SLC8A1: variants seen among roughly 807,000 people sequenced by gnomAD.
SLC8A1 encodes the protein solute carrier family 8 member A1.
A neutral mutation model predicts 68.3 loss-of-function variants in SLC8A1; 18 were observed. The ratio of observed to expected loss-of-function variants is 0.26; its 90% CI spans 0.18 to 0.39. SLC8A1 has a LOEUF of 0.39. Ranked by LOEUF, SLC8A1 falls within the 10% of genes least tolerant of loss-of-function variation. The pLI is 1.00. For synonymous variants in SLC8A1, 475 were observed against 415.5 expected (o/e 1.14, Z -1.74); for missense variants, 985 against 1,156.7 (o/e 0.85, Z 2.15).
intron 2 of SLC8A1, among the ~76,000 whole-genome samples, chr2:40,346,644 T>C (rs1669411011): frequency 6.6e-6 from 1 of 152,060 alleles, no homozygotes; most frequent in African/African-American, 2.4e-5. Context: ...GTCCCAAAAA[T>C]GGAATGCAAG....
intron 3 of SLC8A1, among the ~76,000 whole-genome samples, chr2:40,177,048 TC>T (rs1331576499): frequency 1.9e-4 from 11 of 59,100 alleles, no homozygotes; most frequent in Non-Finnish European, 4.7e-4. Context: ...TTTTATTTTT[TC>T]TTTTTTTTAT....
chr2:40,157,210 G>A (rs896592194), intron 6 of SLC8A1, among the ~76,000 whole-genome samples: 5 of 152,024 alleles, frequency 3.3e-5, no homozygotes, highest in African/African-American at 4.8e-5. Flanking sequence ...ACCAACTTTG[G>A]CGTTTCCATG....
intron 2 of SLC8A1, among the ~76,000 whole-genome samples, chr2:40,192,165 C>T (rs1009195652): frequency 2.0e-5 from 3 of 152,186 alleles, no homozygotes; most frequent in African/African-American, 7.2e-5. Context: ...CTAACTTAAT[C>T]GCATTCTTGC....
intron 7 of SLC8A1, among the ~76,000 whole-genome samples, chr2:40,128,529 G>A (rs1329698182): frequency 6.6e-6 from 1 of 152,154 alleles, no homozygotes; most frequent in Non-Finnish European, 1.5e-5. Context: ...TGTGAGAGTT[G>A]CCTCCTTAGC....
At chr2:40,405,486 C>T (rs912036090) in intron 2 of SLC8A1, among the ~76,000 whole-genome samples, 5 of 152,144 alleles carry the variant, frequency 3.3e-5, no homozygotes, top group African/African-American at 7.2e-5. Context: ...AACAGTTGTC[C>T]GCTTTTCCAG....
intron 2 of SLC8A1, among the ~76,000 whole-genome samples, chr2:40,375,811 C>G (rs6732915): frequency 2.0e-5 from 3 of 151,780 alleles, no homozygotes; most frequent in African/African-American, 7.3e-5. Context: ...AAGACCAGCC[C>G]AGGCAACACA....
chr2:40,370,189 C>G (rs1677588448), intron 2 of SLC8A1, among the ~76,000 whole-genome samples: 1 of 152,092 alleles, frequency 6.6e-6, no homozygotes, highest in Non-Finnish European at 1.5e-5. Context: ...GTTGGTGAGT[C>G]ATTCATTGCG....
intron 2 of SLC8A1, among the ~76,000 whole-genome samples, chr2:40,427,845 T>C (rs1697283643): frequency 6.6e-6 from 1 of 152,152 alleles, no homozygotes; most frequent in Non-Finnish European, 1.5e-5. Flanking sequence ...GGACTTGAAC[T>C]ACAAAAGGGC....
intron 2 of SLC8A1, among the ~76,000 whole-genome samples, chr2:40,409,098 G>A (rs1181119792): frequency 6.6e-6 from 1 of 152,012 alleles, no homozygotes; most frequent in East Asian, 1.9e-4. Flanking sequence ...TGCTTTTTCT[G>A]TAGTCATTTA....
intron 2 of SLC8A1, among the ~76,000 whole-genome samples, chr2:40,275,224 C>A (rs189947690): frequency 6.6e-6 from 1 of 152,184 alleles, no homozygotes; most frequent in East Asian, 1.9e-4. Flanking sequence ...TCTGTATATA[C>A]CTTTGCAGGT....
At chr2:40,419,899 G>T (rs2149739294) in intron 2 of SLC8A1, among the ~76,000 whole-genome samples, 1 of 152,098 alleles carries the variant, frequency 6.6e-6, no homozygotes, top group South Asian at 2.1e-4. Flanking sequence ...TTGCTATCAG[G>T]TTTACACCAA....
intron 2 of SLC8A1, among the ~76,000 whole-genome samples, chr2:40,236,635 C>A (rs1424706374): frequency 1.3e-5 from 2 of 151,732 alleles, no homozygotes; most frequent in African/African-American, 2.4e-5. Flanking sequence ...GAATTTGATC[C>A]TGTCATTATG....
intron 2 of SLC8A1, among the ~76,000 whole-genome samples, chr2:40,299,639 G>A (rs532935217): frequency 1.8e-4 from 28 of 152,066 alleles, no homozygotes; most frequent in Non-Finnish European, 3.2e-4. Context: ...CTGGGGACTG[G>A]GTTCTTTGCC....
At chr2:40,367,026 G>A (rs1676433596) in intron 2 of SLC8A1, among the ~76,000 whole-genome samples, 1 of 151,832 alleles carries the variant, frequency 6.6e-6, no homozygotes. Context: ...AGTTTTGAGG[G>A]TGTGGTTGTC....
chr2:40,423,301 T>G (rs1447140144), intron 2 of SLC8A1, among the ~76,000 whole-genome samples: 1 of 152,104 alleles, frequency 6.6e-6, no homozygotes, highest in Non-Finnish European at 1.5e-5. Context: ...AAATATTTTA[T>G]CTAAAATCAA....
chr2:40,219,875 A>ATT (rs1162934399), intron 2 of SLC8A1, among the ~76,000 whole-genome samples: 633 of 27,354 alleles, frequency 0.023, 20 homozygotes, highest in African/African-American at 0.044. Context: ...CTACTATAGG[A>ATT]TTTTTTTTTT....
intron 2 of SLC8A1, among the ~76,000 whole-genome samples, chr2:40,271,231 C>T (rs1033418129): frequency 7.2e-5 from 11 of 151,784 alleles, no homozygotes; most frequent in African/African-American, 2.2e-4. Flanking sequence ...CTCTCACGTC[C>T]CCTCCCACTC....
intron 1 of SLC8A1, among the ~76,000 whole-genome samples, chr2:40,497,284 T>C (rs1373982469): frequency 4.6e-5 from 7 of 152,080 alleles, no homozygotes; most frequent in African/African-American, 1.7e-4. Context: ...TTTGACTTAT[T>C]AGCTTTGGTA....
chr2:40,177,643 T>A (rs1295293514), intron 3 of SLC8A1: 1 of 690,478 alleles, frequency 1.4e-6, no homozygotes, highest in Non-Finnish European at 2.5e-6. Context: ...GGCAATGAAG[T>A]ATAGTACTTG....
Sources: gnomAD v4.1 joint callset for allele counts (sites outside exome capture counted in the v4.1 genomes callset) on GRCh38, gnomAD v4.1.1 for gene constraint, MANE v1.5 for transcripts, NCBI Gene and HGNC (gene_info 2026-07-23, HGNC 2026-07-21) for gene names.